The following LARGE1 variants were observed in gnomAD, a reference collection of about 807,000 sequenced individuals.
The protein encoded by LARGE1 is xylosyl- and glucuronyltransferase LARGE1.
A neutral mutation model predicts 87.6 loss-of-function variants in LARGE1; 43 were observed. That is an observed-to-expected ratio of 0.49 (90% CI 0.38 to 0.63). LARGE1 has a LOEUF of 0.63. LARGE1 is among the 30% of genes least tolerant of loss of function. LARGE1 has a pLI of 0.00. For synonymous variants in LARGE1, 434 were observed against 394.6 expected (o/e 1.10, Z -1.18); for missense variants, 802 against 1,000.2 (o/e 0.80, Z 2.67).
At chr22:33,528,734 G>A (rs1210821341) in intron 6 of LARGE1, among the ~76,000 whole-genome samples, 1 of 152,034 alleles carries the variant, frequency 6.6e-6, no homozygotes, top group Non-Finnish European at 1.5e-5. Flanking sequence ...GCGAGGGAGG[G>A]GGCATAACGA....
intron 3 of LARGE1, among the ~76,000 whole-genome samples, chr22:33,641,081 C>T (rs192390018): frequency 6.6e-5 from 10 of 151,374 alleles, no homozygotes; most frequent in African/African-American, 1.9e-4. Context: ...GGATAGACTC[C>T]GCCTCCTCAA....
At chr22:33,900,016 G>C (rs904241363) in intron 1 of LARGE1, among the ~76,000 whole-genome samples, 2 of 152,196 alleles carry the variant, frequency 1.3e-5, no homozygotes, top group Non-Finnish European at 1.5e-5. Flanking sequence ...AGAAACAAAA[G>C]AGAAATGCAG....
chr22:33,799,810 T>C (rs2086103872), intron 1 of LARGE1, among the ~76,000 whole-genome samples: 2 of 152,128 alleles, frequency 1.3e-5, no homozygotes, highest in African/African-American at 4.8e-5. Flanking sequence ...GAAGACTTTG[T>C]GTATTGGTAT....
intron 1 of LARGE1, among the ~76,000 whole-genome samples, chr22:33,784,075 G>A (rs2085519885): frequency 6.6e-6 from 1 of 152,004 alleles, no homozygotes; most frequent in South Asian, 2.1e-4. Context: ...CCTCCTCTTT[G>A]GTAAAACCAA....
chr22:33,279,450 C>CA (rs1419401413), intron 13 of LARGE1, among the ~76,000 whole-genome samples: 1 of 152,190 alleles, frequency 6.6e-6, no homozygotes, highest in Non-Finnish European at 1.5e-5. Flanking sequence ...GCAGGGAATG[C>CA]AACTGCTTCC....
chr22:33,703,238 T>C (rs922236845), intron 2 of LARGE1, among the ~76,000 whole-genome samples: 3 of 151,476 alleles, frequency 2.0e-5, no homozygotes, highest in Non-Finnish European at 4.4e-5. Context: ...AAATACCTAA[T>C]GCATGTGGGG....
At chr22:33,852,443 A>T (rs1039759129) in intron 1 of LARGE1, among the ~76,000 whole-genome samples, 1 of 152,156 alleles carries the variant, frequency 6.6e-6, no homozygotes, top group African/African-American at 2.4e-5. Context: ...AGATCGATAA[A>T]GATTTCGCCC....
intron 7 of LARGE1, among the ~76,000 whole-genome samples, chr22:33,403,103 G>A (rs1173552365): frequency 6.6e-6 from 1 of 152,130 alleles, no homozygotes; most frequent in African/African-American, 2.4e-5. Context: ...CTACATCTGT[G>A]CCTTTCAGAG....
the LARGE1 span, among the ~76,000 whole-genome samples, chr22:33,103,502 C>T: frequency 6.9e-6 from 1 of 144,618 alleles, no homozygotes; most frequent in Admixed American, 6.9e-5. Flanking sequence ...CAAATGAGCT[C>T]TTTAAAAGCA....
At chr22:33,536,500 G>A (rs2148609137) in intron 6 of LARGE1, among the ~76,000 whole-genome samples, 1 of 152,202 alleles carries the variant, frequency 6.6e-6, no homozygotes, top group East Asian at 1.9e-4. Context: ...AGACAGATAA[G>A]GCACTTTCCA....
At chr22:33,202,190 A>G (rs1924433346) in intron 11 of LARGE1, among the ~76,000 whole-genome samples, 1 of 152,126 alleles carries the variant, frequency 6.6e-6, no homozygotes, top group Non-Finnish European at 1.5e-5. Context: ...CTGCTTTGAC[A>G]TGAAGCACTG....
chr22:33,698,312 G>A (rs897698076), intron 2 of LARGE1, among the ~76,000 whole-genome samples: 18 of 146,786 alleles, frequency 1.2e-4, no homozygotes, highest in African/African-American at 4.1e-4. Context: ...AGCCTCAAGC[G>A]ATCTGCCCGC....
chr22:33,363,625 C>T (rs2064466581), intron 9 of LARGE1, among the ~76,000 whole-genome samples: 1 of 149,542 alleles, frequency 6.7e-6, no homozygotes, highest in African/African-American at 2.5e-5. Context: ...TAACTCCATA[C>T]CATGTTTTTT....
At chr22:33,364,395 T>A (rs978610170) in intron 9 of LARGE1, among the ~76,000 whole-genome samples, 3 of 152,148 alleles carry the variant, frequency 2.0e-5, no homozygotes, top group African/African-American at 7.2e-5. Flanking sequence ...CCATCTTTTG[T>A]TTTTTCAATC....
At chr22:33,667,549 G>A (rs1037378506) in intron 2 of LARGE1, among the ~76,000 whole-genome samples, 1 of 152,210 alleles carries the variant, frequency 6.6e-6, no homozygotes, top group Non-Finnish European at 1.5e-5. Context: ...GAAAGCCACT[G>A]GGGCCAAGAA....
intron 2 of LARGE1, among the ~76,000 whole-genome samples, chr22:33,722,257 AGAGGGAGAGGAGGGAGAGGGAGAG>A: frequency 1.3e-5 from 1 of 78,408 alleles, no homozygotes; most frequent in Non-Finnish European, 2.7e-5. Context: ...AGGAAGAGGG[AGAGGGAGAGGAGGGAGAGGGAGAG>A]GAGGGAGAGG....
At chr22:33,323,710 G>C (rs1346902572) in intron 10 of LARGE1, among the ~76,000 whole-genome samples, 6 of 152,208 alleles carry the variant, frequency 3.9e-5, no homozygotes. Flanking sequence ...TGGATTCACA[G>C]ATGAATTTTA....
chr22:33,470,564 A>C (rs1215944147), intron 6 of LARGE1, among the ~76,000 whole-genome samples: 1 of 152,206 alleles, frequency 6.6e-6, no homozygotes, highest in East Asian at 1.9e-4. Context: ...TGTCCTGACA[A>C]GCCTGGTCTC....
intron 9 of LARGE1, among the ~76,000 whole-genome samples, chr22:33,347,682 C>A (rs569224654): frequency 6.6e-6 from 1 of 152,168 alleles, no homozygotes; most frequent in African/African-American, 2.4e-5. Flanking sequence ...GCAGACAAAC[C>A]TACAAGCCAG....
Sources: gnomAD v4.1 joint callset for allele counts (sites outside exome capture counted in the v4.1 genomes callset) on GRCh38, gnomAD v4.1.1 for gene constraint, MANE v1.5 for transcripts, NCBI Gene and HGNC (gene_info 2026-07-23, HGNC 2026-07-21) for gene names.